MPDZ: variants seen among roughly 807,000 people sequenced by gnomAD.
MPDZ encodes the protein multiple PDZ domain protein.
A neutral mutation model predicts 239.1 loss-of-function variants in MPDZ; 234 were observed. That is an observed-to-expected ratio of 0.98 (90% CI 0.88 to 1.09). The LOEUF (loss-of-function observed/expected upper bound fraction) is 1.09, where lower values mean the gene tolerates loss of function less well. Ranked by LOEUF, MPDZ falls within the 50% of genes least tolerant of loss-of-function variation. The pLI is 0.00. For synonymous variants in MPDZ, 1,048 were observed against 881.3 expected (o/e 1.19, Z -3.35); for missense variants, 3,175 against 2,510.0 (o/e 1.26, Z -5.66).
intron 3 of MPDZ, among the ~76,000 whole-genome samples, chr9:13,229,605 C>A (rs1416965977): frequency 6.8e-6 from 1 of 147,592 alleles, no homozygotes; most frequent in Admixed American, 6.7e-5. Flanking sequence ...CACACACACA[C>A]CCCCATCCAC....
intron 31 of MPDZ, chr9:13,135,613 C>G (rs1946623413): frequency 6.6e-6 from 1 of 152,270 alleles, no homozygotes; most frequent in Non-Finnish European, 1.5e-5. Context: ...ATCAATGTAT[C>G]CCATGATCTG....
chr9:13,204,205 G>C (rs1417197984), intron 12 of MPDZ, among the ~76,000 whole-genome samples: 1 of 152,114 alleles, frequency 6.6e-6, no homozygotes, highest in African/African-American at 2.4e-5. Context: ...AAGTTACCAA[G>C]TACCTAAAGC....
intron 30 of MPDZ, 45 bp downstream of exon 30, chr9:13,136,667 T>C: frequency 8.2e-7 from 1 of 1,218,610 alleles, no homozygotes; most frequent in Non-Finnish European, 1.2e-6. Context: ...AGAGAAGAAA[T>C]GCTAACAAAA....
intron 12 of MPDZ, among the ~76,000 whole-genome samples, chr9:13,199,145 T>C (rs867122419): frequency 2.0e-5 from 3 of 152,094 alleles, no homozygotes; most frequent in Non-Finnish European, 2.9e-5. Context: ...TCCATGATCA[T>C]AGAATATCTC....
chr9:13,145,374 A>G (rs1031826228), intron 26 of MPDZ, among the ~76,000 whole-genome samples: 1 of 151,980 alleles, frequency 6.6e-6, no homozygotes, highest in African/African-American at 2.4e-5. Flanking sequence ...GTGAAGGGTC[A>G]TACTGGTGAA....
chr9:13,157,816 T>A (rs1950007164), intron 24 of MPDZ, among the ~76,000 whole-genome samples: 2 of 152,178 alleles, frequency 1.3e-5, no homozygotes, highest in African/African-American at 4.8e-5. Flanking sequence ...GTGCCAGATA[T>A]CTCCATATAT....
intron 22 of MPDZ, among the ~76,000 whole-genome samples, chr9:13,167,152 C>A (rs1440865284): frequency 6.6e-6 from 1 of 152,102 alleles, no homozygotes; most frequent in Non-Finnish European, 1.5e-5. Context: ...TCCACATGAT[C>A]TAGTCATGGA....
At chr9:13,115,201 C>A (rs757518758) in intron 40 of MPDZ, 47 bp downstream of exon 40, 1 of 1,534,134 alleles carries the variant, frequency 6.5e-7, no homozygotes, top group South Asian at 1.1e-5. Flanking sequence ...TATGTGTCCT[C>A]TTGGCATGCC....
At chr9:13,211,032 G>T (rs1957559594) in intron 10 of MPDZ, among the ~76,000 whole-genome samples, 1 of 152,082 alleles carries the variant, frequency 6.6e-6, no homozygotes, top group African/African-American at 2.4e-5. Context: ...ATTAGGTGGG[G>T]AGAGACAGAC....
chr9:13,279,269 A>C lies in MPDZ; in HGVS notation c.-58+131T>G, dbSNP rs979545084. The C allele has an allele frequency of 7.9e-3, 231 of 29,320 alleles. 1 individual carries two copies. Among genetic ancestry groups the C allele is most frequent in the South Asian group, 0.011 (8 of 752 alleles). 1.8% of individuals were successfully genotyped at this position (29,320 alleles called of 1,614,324 possible). A position where few individuals can be genotyped will look rare whatever the true frequency, so the allele number is the denominator to read the frequency against. ...CACCCCTACCCCCACCCCCACCCCCACCCCCATCCCCGCCCCCACCCCCAC... is the reference window on the plus strand; with the variant it reads ...CACCCCTACCCCCACCCCCACCCCCCCCCCCATCCCCGCCCCCACCCCCAC... On this transcript the variant is annotated intron_variant, in intron 1 of 46. Transcript: ENST00000319217.
chr9:13,150,084 A>C (rs941789342), intron 25 of MPDZ, among the ~76,000 whole-genome samples: 20 of 152,094 alleles, frequency 1.3e-4, no homozygotes, highest in African/African-American at 4.8e-4. Flanking sequence ...TTGTGTGTAC[A>C]TATACATATA....
chr9:13,212,240 A>G (rs1172097489), intron 10 of MPDZ, among the ~76,000 whole-genome samples: 1 of 151,794 alleles, frequency 6.6e-6, no homozygotes, highest in African/African-American at 2.4e-5. Flanking sequence ...TTCCTTACTC[A>G]AATGACAGAG....
At chr9:13,204,900 G>T (rs745974411) in intron 12 of MPDZ, 136 bp downstream of exon 12, 25 of 467,026 alleles carry the variant, frequency 5.4e-5, no homozygotes, top group African/African-American at 8.2e-5. Context: ...TATAAACAGG[G>T]ATTTACAAAC....
chr9:13,223,929 G>A (rs1959670665), intron 4 of MPDZ, among the ~76,000 whole-genome samples: 1 of 151,980 alleles, frequency 6.6e-6, no homozygotes, highest in African/African-American at 2.4e-5. Flanking sequence ...AGATACTCAG[G>A]AGACTGAGGC....
At chr9:13,273,827 G>T (rs768951077) in intron 1 of MPDZ, among the ~76,000 whole-genome samples, 1 of 151,932 alleles carries the variant, frequency 6.6e-6, no homozygotes, top group Non-Finnish European at 1.5e-5. Flanking sequence ...TTTAAAATAC[G>T]TTCTCCACTG....
chr9:13,165,429 C>G (rs763105507), intron 22 of MPDZ: 1 of 1,547,970 alleles, frequency 6.5e-7, no homozygotes, highest in Non-Finnish European at 8.7e-7. Context: ...AAGCATACGC[C>G]GCGGCATCTT....
chr9:13,261,182 G>A (rs112571991), intron 1 of MPDZ, among the ~76,000 whole-genome samples: 10 of 152,310 alleles, frequency 6.6e-5, no homozygotes, highest in Admixed American at 1.3e-4. Flanking sequence ...GTACACACAA[G>A]CCAGAGTTAT....
chr9:13,164,075 G>A (rs191219135), intron 22 of MPDZ, among the ~76,000 whole-genome samples: 17 of 152,270 alleles, frequency 1.1e-4, no homozygotes, highest in African/African-American at 4.1e-4. Flanking sequence ...AATCCAAATA[G>A]AAGTGAGTGC....
intron 1 of MPDZ, among the ~76,000 whole-genome samples, chr9:13,251,931 T>G (rs2138111906): frequency 6.6e-6 from 1 of 152,324 alleles, no homozygotes; most frequent in Admixed American, 6.5e-5. Context: ...AAGTGTGGCC[T>G]TGAGCAAGGG....
Sources: allele counts gnomAD v4.1 joint callset (sites outside exome capture counted in the v4.1 genomes callset), GRCh38; gene constraint gnomAD v4.1.1; transcripts MANE v1.5; gene names NCBI Gene and HGNC (gene_info 2026-07-23, HGNC 2026-07-21).